The following BBS9 variants were observed in gnomAD, a reference collection of about 807,000 sequenced individuals.
BBS9 encodes the protein Bardet-Biedl syndrome 9.
BBS9 carries 89 observed loss-of-function variants against 117.7 expected under a neutral mutation model. The observed-to-expected ratio is 0.76, with a 90% CI of 0.64 to 0.90. The LOEUF (loss-of-function observed/expected upper bound fraction) is 0.90, where lower values mean the gene tolerates loss of function less well. Ranked by LOEUF, BBS9 falls within the 40% of genes least tolerant of loss-of-function variation. The pLI is 0.00. For synonymous variants in BBS9, 379 were observed against 370.9 expected (o/e 1.02, Z -0.25); for missense variants, 982 against 1,042.2 (o/e 0.94, Z 0.80).
chr7:33,241,987 G>C (rs1324515186), intron 5 of BBS9, among the ~76,000 whole-genome samples: 2 of 151,972 alleles, frequency 1.3e-5, no homozygotes, highest in Non-Finnish European at 2.9e-5. Context: ...CTTTGACTTT[G>C]AGGTCATATT....
chr7:33,186,480 T>C lies in BBS9; in HGVS notation c.442+8889T>C, dbSNP rs115879820. 9.9e-3 allele frequency among the ~76,000 whole-genome samples: 1,515 copies of C among 152,266 alleles called. 28 individuals are homozygous for C. Among genetic ancestry groups the C allele is most frequent in the African/African-American group, 0.035 (1,453 of 41,554 alleles). On this transcript the variant is annotated intron_variant, in intron 5 of 22. Transcript: ENST00000242067. The stretch of plus-strand genomic sequence containing the variant: ...ACCTCCTCCCCCATTCAGAAAAAAC[T>C]TTCCTATCAGAATGGAGTGTAGTTT...
chr7:33,140,528 A>G (rs1200566252), intron 1 of BBS9, among the ~76,000 whole-genome samples: 4 of 152,078 alleles, frequency 2.6e-5, no homozygotes, highest in Non-Finnish European at 5.9e-5. Flanking sequence ...TCAAGTGTGA[A>G]TTTGGGTAAT....
chr7:33,540,995 T>C (rs1355566806), intron 21 of BBS9, among the ~76,000 whole-genome samples: 1 of 152,240 alleles, frequency 6.6e-6, no homozygotes, highest in Non-Finnish European at 1.5e-5. Context: ...TCATAGAACA[T>C]TCTCATTCTT....
chr7:33,130,716 C>T (rs1053963687), intron 1 of BBS9, among the ~76,000 whole-genome samples: 3 of 151,108 alleles, frequency 2.0e-5, no homozygotes, highest in Non-Finnish European at 4.4e-5. Flanking sequence ...AGATTTTTTT[C>T]ATGAATATAC....
At chr7:33,535,115 A>G (rs1039834870) in intron 21 of BBS9, among the ~76,000 whole-genome samples, 3 of 152,242 alleles carry the variant, frequency 2.0e-5, no homozygotes, top group East Asian at 1.9e-4. Flanking sequence ...ACAGCATAGC[A>G]TGATCTAATA....
At chr7:33,415,909 G>A (rs1349982041) in intron 19 of BBS9, among the ~76,000 whole-genome samples, 3 of 152,100 alleles carry the variant, frequency 2.0e-5, no homozygotes, top group South Asian at 2.1e-4. Flanking sequence ...ATCTTGGCTC[G>A]CTGCAGCCTC....
At chr7:33,275,643 G>C (rs967986985) in intron 9 of BBS9, among the ~76,000 whole-genome samples, 1 of 152,134 alleles carries the variant, frequency 6.6e-6, no homozygotes, top group African/African-American at 2.4e-5. Flanking sequence ...AAAAATTATT[G>C]GGGTTTTGGT....
At chr7:33,542,242 G>A (rs144638887) in intron 21 of BBS9, among the ~76,000 whole-genome samples, 4,713 of 152,080 alleles carry the variant, frequency 0.031, 85 homozygotes, top group African/African-American at 0.055. Context: ...GTGCCACCAT[G>A]CCCGGCTAAT....
At chr7:33,434,953 C>T (rs1298591930) in intron 19 of BBS9, among the ~76,000 whole-genome samples, 3 of 152,090 alleles carry the variant, frequency 2.0e-5, no homozygotes, top group Non-Finnish European at 4.4e-5. Flanking sequence ...GACTCCATTA[C>T]TTCATTTTAG....
chr7:33,436,482 G>C (rs922049533), intron 19 of BBS9, among the ~76,000 whole-genome samples: 1 of 152,150 alleles, frequency 6.6e-6, no homozygotes, highest in African/African-American at 2.4e-5. Flanking sequence ...TTATATAATT[G>C]ATACTTGTAA....
chr7:33,146,157 C>T, intron 1 of BBS9, 85 bp from the exon 2 acceptor site: 2 of 908,956 alleles, frequency 2.2e-6, no homozygotes, highest in South Asian at 2.7e-5. Context: ...CTTCTCAGAT[C>T]TGTCCAAGTT....
At chr7:33,142,975 CTT>C (rs942596072) in intron 1 of BBS9, among the ~76,000 whole-genome samples, 1 of 146,532 alleles carries the variant, frequency 6.8e-6, no homozygotes. Context: ...CTAGGTTTAA[CTT>C]TTTTTTTTTT....
chr7:33,361,531 G>A (rs1375998672), intron 16 of BBS9, among the ~76,000 whole-genome samples: 1 of 152,026 alleles, frequency 6.6e-6, no homozygotes, highest in Non-Finnish European at 1.5e-5. Flanking sequence ...ATTGTATCAC[G>A]TTATACTCCC....
At chr7:33,352,619 CAT>C (rs1421416555) in intron 14 of BBS9, among the ~76,000 whole-genome samples, 1 of 152,028 alleles carries the variant, frequency 6.6e-6, no homozygotes, top group Non-Finnish European at 1.5e-5. Context: ...AACACATTCT[CAT>C]AGACTTCTGA....
chr7:33,273,340 G>C, intron 8 of BBS9, 145 bp downstream of exon 8: 1 of 888,272 alleles, frequency 1.1e-6, no homozygotes, highest in African/African-American at 1.7e-5. Context: ...AACTTTCAAA[G>C]TTTGAATGGA....
intron 19 of BBS9, among the ~76,000 whole-genome samples, chr7:33,421,564 C>T (rs556900596): frequency 2.0e-5 from 3 of 152,244 alleles, no homozygotes; most frequent in Admixed American, 2.0e-4. Context: ...TTGTACAGAA[C>T]ATTAGGGAAT....
chr7:33,577,694 C>G (rs1410128285), intron 21 of BBS9, among the ~76,000 whole-genome samples: 1 of 152,110 alleles, frequency 6.6e-6, no homozygotes, highest in Admixed American at 6.6e-5. Context: ...AAATGTGGCA[C>G]ATATACACCA....
At chr7:33,393,333 G>T (rs1031719102) in intron 19 of BBS9, among the ~76,000 whole-genome samples, 10 of 152,086 alleles carry the variant, frequency 6.6e-5, no homozygotes, top group Non-Finnish European at 1.2e-4. Context: ...TTTTAAATAG[G>T]TCTTCACCTT....
chr7:33,505,644 T>C lies in BBS9; in HGVS notation c.2297T>C (p.Leu766Ser), dbSNP rs1222843042. 3 of 1,613,206 alleles carry C rather than the reference T, an allele frequency of 1.9e-6. No homozygotes were observed. In the South Asian group the frequency reaches 3.3e-5, roughly 18 times the overall value. Residue 766 changes from leucine to serine, a missense_variant and splice_region_variant, in exon 20 of 23, where the codon TTG becomes TCG. Physicochemically the swap from Leu to Ser is moderately radical, Grantham distance 145. Transcript: ENST00000242067. ...FLPLQEDTQE[L>S]GWEETVDAAI... is the part of the protein sequence containing the mutation. The stretch of plus-strand genomic sequence containing the variant: ...CCGCTACAAGAAGACACTCAAGAAT[T>C]GGTAAGGACCTGAAAGCCTGTGGTG...
Sources: gnomAD v4.1 joint callset for allele counts (sites outside exome capture counted in the v4.1 genomes callset) on GRCh38, gnomAD v4.1.1 for gene constraint, MANE v1.5 for transcripts, NCBI Gene and HGNC (gene_info 2026-07-23, HGNC 2026-07-21) for gene names.